Variants in PHKB observed in about 807,000 individuals in gnomAD.
PHKB encodes phosphorylase b kinase regulatory subunit beta.
A neutral mutation model predicts 152.1 loss-of-function variants in PHKB; 122 were observed. That is an observed-to-expected ratio of 0.80 (90% CI 0.69 to 0.93). PHKB has a LOEUF of 0.93. Ranked by LOEUF, PHKB falls within the 40% of genes least tolerant of loss-of-function variation. The pLI is 0.00. For synonymous variants in PHKB, 436 were observed against 464.9 expected (o/e 0.94, Z 0.80); for missense variants, 1,304 against 1,328.4 (o/e 0.98, Z 0.29).
chr16:47,657,659 AGC>A (rs1433820051), intron 20 of PHKB, among the ~76,000 whole-genome samples: 9 of 152,158 alleles, frequency 5.9e-5, no homozygotes, highest in African/African-American at 2.2e-4. Context: ...AATGGAATTT[AGC>A]ATTTGTCTAT....
intron 14 of PHKB, among the ~76,000 whole-genome samples, chr16:47,620,784 G>T (rs1261404333): frequency 6.6e-6 from 1 of 152,098 alleles, no homozygotes; most frequent in Non-Finnish European, 1.5e-5. Flanking sequence ...TGAAGCAGGA[G>T]AATTGCTTGA....
chr16:47,558,441 G>A (rs1567305885), intron 7 of PHKB, among the ~76,000 whole-genome samples: 1 of 152,134 alleles, frequency 6.6e-6, no homozygotes. Flanking sequence ...TTGTGTTTGG[G>A]TTTCTAAATA....
chr16:47,489,975 T>G (rs189452509), intron 1 of PHKB, among the ~76,000 whole-genome samples: 10 of 152,340 alleles, frequency 6.6e-5, no homozygotes, highest in African/African-American at 2.2e-4. Context: ...CCAAATTTTG[T>G]TCACAGGAAT....
intron 8 of PHKB, among the ~76,000 whole-genome samples, chr16:47,581,592 A>G (rs2151693404): frequency 6.6e-6 from 1 of 152,364 alleles, no homozygotes; most frequent in Non-Finnish European, 1.5e-5. Flanking sequence ...CTAACTCAGG[A>G]GGTTTTCATG....
At chr16:47,589,230 A>C (rs1971987129) in intron 10 of PHKB, 128 bp downstream of exon 10, 2 of 642,848 alleles carry the variant, frequency 3.1e-6, no homozygotes, top group Non-Finnish European at 5.4e-6. Flanking sequence ...CCAGTTAATT[A>C]ATCTCTGTCT....
chr16:47,562,846 A>G (rs764882970), intron 7 of PHKB, among the ~76,000 whole-genome samples: 1 of 152,230 alleles, frequency 6.6e-6, no homozygotes, highest in Non-Finnish European at 1.5e-5. Context: ...TCTCAAAATC[A>G]GAGTCAGTCC....
intron 5 of PHKB, among the ~76,000 whole-genome samples, chr16:47,512,986 G>A (rs1256826539): frequency 6.6e-6 from 1 of 152,216 alleles, no homozygotes. Context: ...GCTCCTTGGA[G>A]AGTTAGTGTT....
intron 27 of PHKB, among the ~76,000 whole-genome samples, chr16:47,693,107 T>G (rs1299138697): frequency 1.3e-5 from 2 of 152,208 alleles, no homozygotes; most frequent in Non-Finnish European, 2.9e-5. Flanking sequence ...GAAAATCATT[T>G]GAGCATGTAG....
chr16:47,486,125 C>T (rs1597021818), intron 1 of PHKB, among the ~76,000 whole-genome samples: 1 of 152,044 alleles, frequency 6.6e-6, no homozygotes, highest in East Asian at 1.9e-4. Context: ...GAAAATAACA[C>T]ATTAATCAAA....
intron 26 of PHKB, among the ~76,000 whole-genome samples, chr16:47,678,281 AC>A: frequency 6.6e-6 from 1 of 152,288 alleles, no homozygotes; most frequent in Admixed American, 6.5e-5. Flanking sequence ...TTGGGTATAT[AC>A]CCAGTAATGG....
At chr16:47,666,977 C>T (rs1271978161) in intron 25 of PHKB, among the ~76,000 whole-genome samples, 1 of 152,118 alleles carries the variant, frequency 6.6e-6, no homozygotes, top group Non-Finnish European at 1.5e-5. Flanking sequence ...AGTATTTTAA[C>T]TCTCTTCAAT....
At chr16:47,625,423 G>A (rs1322070505) in intron 14 of PHKB, among the ~76,000 whole-genome samples, 1 of 152,100 alleles carries the variant, frequency 6.6e-6, no homozygotes, top group Non-Finnish European at 1.5e-5. Context: ...GGCCCTGTGG[G>A]GCCTTAGCTG....
At chr16:47,555,138 A>G (rs1971346204) in intron 7 of PHKB, among the ~76,000 whole-genome samples, 1 of 152,208 alleles carries the variant, frequency 6.6e-6, no homozygotes, top group Non-Finnish European at 1.5e-5. Context: ...GGTGCTTATT[A>G]CTTAAGGTAA....
chr16:47,533,377 A>C (rs1970895826), intron 6 of PHKB, among the ~76,000 whole-genome samples: 1 of 152,074 alleles, frequency 6.6e-6, no homozygotes, highest in Non-Finnish European at 1.5e-5. Flanking sequence ...CCTGGCCTGA[A>C]AGTGGGGCCT....
At chr16:47,598,244 A>G (rs1972157745) in intron 13 of PHKB, among the ~76,000 whole-genome samples, 1 of 152,170 alleles carries the variant, frequency 6.6e-6, no homozygotes, top group Non-Finnish European at 1.5e-5. Flanking sequence ...TACCTCAAAC[A>G]GTGATCTATA....
chr16:47,612,660 C>T (rs960816244), intron 14 of PHKB, among the ~76,000 whole-genome samples: 2 of 152,152 alleles, frequency 1.3e-5, no homozygotes, highest in African/African-American at 2.4e-5. Flanking sequence ...CCTGTAGCCA[C>T]GTGGCAGATT....
intron 8 of PHKB, among the ~76,000 whole-genome samples, chr16:47,586,310 T>C (rs979224419): frequency 4.6e-5 from 7 of 152,198 alleles, no homozygotes; most frequent in African/African-American, 1.7e-4. Context: ...GAGTGCACAG[T>C]ACCTTGCCAG....
chr16:47,542,178 G>A (rs987133964), intron 6 of PHKB, among the ~76,000 whole-genome samples: 3 of 150,842 alleles, frequency 2.0e-5, no homozygotes, highest in East Asian at 3.9e-4. Context: ...TTCCTATAAG[G>A]TATAAGGTAT....
intron 7 of PHKB, among the ~76,000 whole-genome samples, chr16:47,573,205 G>A (rs1971692447): frequency 6.6e-6 from 1 of 152,168 alleles, no homozygotes; most frequent in Admixed American, 6.5e-5. Context: ...TACAGTGGTG[G>A]CCTTGGGGAT....
Sources: allele counts gnomAD v4.1 joint callset (sites outside exome capture counted in the v4.1 genomes callset), GRCh38; gene constraint gnomAD v4.1.1; transcripts MANE v1.5; gene names NCBI Gene and HGNC (gene_info 2026-07-23, HGNC 2026-07-21).